GABRA3: variants seen among roughly 807,000 people sequenced by gnomAD.
GABRA3 encodes gamma-aminobutyric acid receptor subunit alpha-3.
A neutral mutation model predicts 30.1 loss-of-function variants in GABRA3; 10 were observed. The ratio of observed to expected loss-of-function variants is 0.33; its 90% CI spans 0.20 to 0.56. The LOEUF is 0.56. GABRA3 is among the 20% of genes least tolerant of loss of function. GABRA3 has a pLI of 0.89. For synonymous variants in GABRA3, 151 were observed against 146.8 expected, an observed-to-expected ratio of 1.03 and a Z score of -0.21; for missense variants, 233 against 392.0, an observed-to-expected ratio of 0.59 and a Z score of 3.42.
intron 9 of GABRA3, among the ~76,000 whole-genome samples, chrX:152,169,642 C>T (rs1936979016): frequency 8.9e-6 from 1 of 111,845 alleles, no homozygotes; most frequent in Non-Finnish European, 1.9e-5. Flanking sequence ...AGTGGCCTAG[C>T]TCATAGTCTA....
At chrX:152,422,655 T>C (rs1930404118) in intron 1 of GABRA3, among the ~76,000 whole-genome samples, 1 of 111,454 alleles carries the variant, frequency 9.0e-6, no homozygotes, top group Non-Finnish European at 1.9e-5. Context: ...ATTTTATAGA[T>C]ACTAGTGGTT....
chrX:152,385,187 T>A (rs1032120935), intron 1 of GABRA3, among the ~76,000 whole-genome samples: 1 of 111,682 alleles, frequency 9.0e-6, no homozygotes, highest in Non-Finnish European at 1.9e-5. Flanking sequence ...TACAAACTCT[T>A]TGGAGAAAAG....
At chrX:152,419,161 G>A (rs1393040397) in intron 1 of GABRA3, among the ~76,000 whole-genome samples, 2 of 110,561 alleles carry the variant, frequency 1.8e-5, no homozygotes, top group African/African-American at 6.6e-5. Context: ...GGTGCGGGGA[G>A]GGATAGCATT....
chrX:152,290,843 T>C (rs941381444), intron 3 of GABRA3, among the ~76,000 whole-genome samples: 9 of 111,781 alleles, frequency 8.1e-5, no homozygotes, highest in Admixed American at 4.8e-4. Flanking sequence ...GTGTTATTTC[T>C]AAGGCCTCTG....
intron 5 of GABRA3, among the ~76,000 whole-genome samples, chrX:152,253,989 A>G (rs1054430203): frequency 1.8e-5 from 2 of 111,851 alleles, no homozygotes; most frequent in African/African-American, 6.5e-5. Flanking sequence ...CTATATTCCA[A>G]TAACTACCCA....
chrX:152,415,069 A>G (rs1005048674), intron 1 of GABRA3, among the ~76,000 whole-genome samples: 4 of 111,160 alleles, frequency 3.6e-5, no homozygotes, highest in African/African-American at 1.3e-4. Flanking sequence ...CAATGAAACT[A>G]TTCTGTATTG....
At chrX:152,184,894 A>G (rs956024950) in intron 9 of GABRA3, among the ~76,000 whole-genome samples, 4 of 111,681 alleles carry the variant, frequency 3.6e-5, no homozygotes, top group African/African-American at 1.3e-4. Flanking sequence ...GTGCAATTAC[A>G]GGGTAGTCAG....
At chrX:152,230,012 C>T (rs748456188) in intron 5 of GABRA3, among the ~76,000 whole-genome samples, 1 of 111,192 alleles carries the variant, frequency 9.0e-6, no homozygotes, top group African/African-American at 3.3e-5. Context: ...TAAGATACTT[C>T]CCCTAAGATC....
intron 5 of GABRA3, among the ~76,000 whole-genome samples, chrX:152,233,861 C>T (rs1432530449): frequency 2.8e-5 from 3 of 106,614 alleles, no homozygotes. Context: ...GAATACTATG[C>T]AGCCATAAAA....
intron 2 of GABRA3, among the ~76,000 whole-genome samples, chrX:152,350,244 T>G (rs1603246295): frequency 1.0e-5 from 1 of 99,655 alleles, no homozygotes; most frequent in African/African-American, 3.8e-5. Context: ...AATAAAGATG[T>G]TCTTTGAAAC....
intron 5 of GABRA3, among the ~76,000 whole-genome samples, chrX:152,226,014 G>A (rs1265940482): frequency 1.8e-5 from 2 of 110,821 alleles, no homozygotes; most frequent in Non-Finnish European, 3.8e-5. Context: ...ATCAATATAT[G>A]AGACTGAAAA....
chrX:152,287,342 T>A (rs1939315274), intron 3 of GABRA3, among the ~76,000 whole-genome samples: 1 of 111,081 alleles, frequency 9.0e-6, no homozygotes. Context: ...ATCCCCATAA[T>A]TCCCATGTGT....
intron 7 of GABRA3, among the ~76,000 whole-genome samples, chrX:152,198,648 C>T (rs1937420791): frequency 1.8e-5 from 2 of 111,991 alleles, no homozygotes. Flanking sequence ...GGTTTCTCTC[C>T]TACTTCACAG....
intron 1 of GABRA3, among the ~76,000 whole-genome samples, chrX:152,429,182 T>C (rs770319333): frequency 9.0e-6 from 1 of 111,283 alleles, no homozygotes; most frequent in African/African-American, 3.3e-5. Flanking sequence ...CAGGGAAAAG[T>C]ACAAGTTCAG....
In GABRA3 at chrX:152,375,306, A is replaced by G. The variant is rs770614865; in HGVS notation, c.-26-10710T>C. ...GTATTTCACTGTTTGTGTAGATAATATATCTATCATAGTTATTTGATCTGC... is the reference window on the plus strand; with the variant it reads ...GTATTTCACTGTTTGTGTAGATAATGTATCTATCATAGTTATTTGATCTGC... On this transcript the variant is annotated intron_variant, in intron 1 of 9. Coordinates refer to ENST00000370314, the MANE Select transcript of GABRA3 (RefSeq NM_000808.4). Among the ~76,000 whole-genome samples, 4 of 106,512 alleles carry G rather than the reference A, an allele frequency of 3.8e-5. No homozygotes were observed. In the East Asian group the frequency reaches 1.6e-3, roughly 42 times the overall value. 92.5% of individuals were successfully genotyped at this position (106,512 alleles called of 115,157 possible).
At chrX:152,317,597 A>C (rs776079032) in intron 3 of GABRA3, among the ~76,000 whole-genome samples, 7 of 112,046 alleles carry the variant, frequency 6.2e-5, no homozygotes, top group African/African-American at 2.3e-4. Context: ...AATTTAAGAA[A>C]ATTGAAATTA....
chrX:152,391,417 T>C (rs1929479116), intron 1 of GABRA3, among the ~76,000 whole-genome samples: 1 of 111,368 alleles, frequency 9.0e-6, no homozygotes. Context: ...ATAGTTGAAA[T>C]TGTACAGATG....
chrX:152,168,759 G>A lies in GABRA3; in HGVS notation c.1144-196C>T, dbSNP rs754790643. Among the ~76,000 whole-genome samples the A allele has an allele frequency of 3.9e-4, 44 of 112,040 alleles. 1 individual carries two copies. Among genetic ancestry groups the A allele is most frequent in the Middle Eastern group, 9.2e-3 (2 of 217 alleles). ...GAAGATGAGTATGAAAAGAGAAAAC[G>A]TGCATCATCCTGGCTCACGAGCTAT... On this transcript the variant is annotated intron_variant, in intron 9 of 9. Transcript: ENST00000370314.
chrX:152,368,414 T>C (rs1928716431), intron 1 of GABRA3, among the ~76,000 whole-genome samples: 1 of 111,466 alleles, frequency 9.0e-6, no homozygotes, highest in Non-Finnish European at 1.9e-5. Context: ...GTATGCCTTA[T>C]TTCACTTAAC....
Sources: allele counts gnomAD v4.1 joint callset (sites outside exome capture counted in the v4.1 genomes callset), GRCh38; gene constraint gnomAD v4.1.1; transcripts MANE v1.5; gene names NCBI Gene and HGNC (gene_info 2026-07-23, HGNC 2026-07-21).